The following VAV2 variants were observed in gnomAD, a reference collection of about 807,000 sequenced individuals.
VAV2 encodes guanine nucleotide exchange factor VAV2.
In VAV2, 67 loss-of-function variants were observed where a neutral mutation model predicts 132.5. The ratio of observed to expected loss-of-function variants is 0.51; its 90% CI spans 0.42 to 0.62. The LOEUF (loss-of-function observed/expected upper bound fraction) is 0.62, where lower values mean the gene tolerates loss of function less well. VAV2 is among the 20% of genes least tolerant of loss of function. The pLI is 0.00. For synonymous variants in VAV2, 492 were observed against 443.5 expected (o/e 1.11, Z -1.37); for missense variants, 938 against 1,153.6 (o/e 0.81, Z 2.71).
At position 133,833,174 on chromosome 9, in the gene VAV2, C is replaced by T. The variant is rs2131777571; in HGVS notation, c.449+1098G>A. Among the ~76,000 whole-genome samples, 1 of 152,264 alleles carries T rather than the reference C, an allele frequency of 6.6e-6. No homozygotes were observed. The highest frequency in any genetic ancestry group is 6.5e-5 in the Admixed American group (1 of 15,302). ...TGAGACTGGGCCGCCAGCGTGGTGC[C>T]ACATGCTGATATGGGGATGACTTGA... On this transcript the variant is annotated intron_variant, in intron 4 of 29. Coordinates refer to ENST00000371850, the MANE Select transcript of VAV2 (RefSeq NM_001134398.2). This position sits in a 1 kb window ranked among gnomAD's most constrained non-coding sequence, Gnocchi z 5.6.
At chr9:133,888,913 C>G (rs1838817416) in intron 2 of VAV2, among the ~76,000 whole-genome samples, 1 of 152,230 alleles carries the variant, frequency 6.6e-6, no homozygotes, top group Non-Finnish European at 1.5e-5. Context: ...ACGCTGGGCC[C>G]TGGCGGACAG....
At chr9:133,931,637 C>T (rs1564475200) in intron 2 of VAV2, among the ~76,000 whole-genome samples, 1 of 152,220 alleles carries the variant, frequency 6.6e-6, no homozygotes, top group African/African-American at 2.4e-5. Context: ...GCAACAGCAT[C>T]CTCATCACGC....
At chr9:133,810,087 G>C in intron 6 of VAV2, 104 bp downstream of exon 6, 18 of 1,529,894 alleles carry the variant, frequency 1.2e-5, no homozygotes, top group Non-Finnish European at 1.6e-5. Context: ...TGTCTTCCTG[G>C]GGGCAGGGTC....
intron 4 of VAV2, among the ~76,000 whole-genome samples, chr9:133,825,553 C>T (rs1835953406): frequency 6.6e-6 from 1 of 152,196 alleles, no homozygotes; most frequent in Non-Finnish European, 1.5e-5. Context: ...TCTCCCAGCT[C>T]AACTCGGGCT....
At chr9:133,968,158 G>A (rs1041794818) in intron 1 of VAV2, among the ~76,000 whole-genome samples, 4 of 152,006 alleles carry the variant, frequency 2.6e-5, no homozygotes, top group South Asian at 2.1e-4. Flanking sequence ...TACAGTTAAC[G>A]ATAACTTCTT....
chr9:133,860,127 C>T (rs934088407), intron 3 of VAV2, among the ~76,000 whole-genome samples: 7 of 151,900 alleles, frequency 4.6e-5, no homozygotes, highest in Admixed American at 2.0e-4. Context: ...ATGGTGAAAC[C>T]CTTTCTCTAC....
At chr9:133,807,435 G>T in intron 7 of VAV2, 109 bp from the exon 8 acceptor site, 1 of 1,111,834 alleles carries the variant, frequency 9.0e-7, no homozygotes, top group Non-Finnish European at 1.3e-6. Context: ...GCACTGGGGT[G>T]CTCCATGCTT....
At chr9:133,837,760 T>C (rs896864010) in intron 3 of VAV2, among the ~76,000 whole-genome samples, 1 of 151,700 alleles carries the variant, frequency 6.6e-6, no homozygotes, top group Non-Finnish European at 1.5e-5. Flanking sequence ...GAGCTATGAT[T>C]GTCGTAATTT....
Position 133,912,244 on chromosome 9 carries a change from A to G in VAV2, c.321+26859T>C, listed in dbSNP as rs550690215. 6.6e-6 allele frequency among the ~76,000 whole-genome samples: 1 copy of G among 152,224 alleles called. No individual in the cohort carries two copies. Among genetic ancestry groups the G allele is most frequent in the East Asian group, 1.9e-4 (1 of 5,194 alleles). ...AACCAGGAGTGTTTTAGTACAAAAC[A>G]GACAAACCAGAAACCTACGGCATCA... On this transcript the variant is annotated intron_variant, in intron 2 of 29. Transcript: ENST00000371850. The surrounding 1 kb of genome is among the most constrained non-coding windows in gnomAD (Gnocchi z 4.3).
At chr9:133,874,430 G>C (rs1229407594) in intron 2 of VAV2, among the ~76,000 whole-genome samples, 4 of 152,214 alleles carry the variant, frequency 2.6e-5, no homozygotes, top group African/African-American at 4.8e-5. Context: ...CAGTGTGGGA[G>C]GCATCCCAGA....
chr9:133,803,272 G>A (rs1548381), intron 9 of VAV2, among the ~76,000 whole-genome samples: 4,835 of 152,216 alleles, frequency 0.032, 233 homozygotes, highest in African/African-American at 0.11. Context: ...AAAAGCGCTC[G>A]TGCAAAGCTC....
intron 1 of VAV2, among the ~76,000 whole-genome samples, chr9:133,977,701 G>A (rs1187917287): frequency 6.6e-6 from 1 of 152,246 alleles, no homozygotes; most frequent in East Asian, 1.9e-4. Flanking sequence ...TCCAGAGCCT[G>A]CCCCTCAACA....
rs1031633906 is a variant in VAV2, at chr9:133,912,869, G to A, written c.321+26234C>T. On this transcript the variant is annotated intron_variant, in intron 2 of 29. Coordinates refer to ENST00000371850, the MANE Select transcript of VAV2 (RefSeq NM_001134398.2). The surrounding 1 kb of genome is among the most constrained non-coding windows in gnomAD (Gnocchi z 4.3). ...CCAGTGACCACTCGTCCCAAACATA[G>A]CTTCTATTCATCAGAATCAGGGCTC... is the stretch of plus-strand genomic sequence containing the variant. 6.6e-6 allele frequency among the ~76,000 whole-genome samples: 1 copy of A among 152,162 alleles called. No homozygotes were observed. The highest frequency in any genetic ancestry group is 2.4e-5 in the African/African-American group (1 of 41,420).
chr9:133,953,036 C>T (rs1841619742), intron 1 of VAV2, among the ~76,000 whole-genome samples: 1 of 151,310 alleles, frequency 6.6e-6, no homozygotes, highest in Admixed American at 6.6e-5. Context: ...GAGCATGGCC[C>T]CCGGGACACC....
At chr9:133,860,409 G>A (rs942753891) in intron 3 of VAV2, among the ~76,000 whole-genome samples, 1 of 152,108 alleles carries the variant, frequency 6.6e-6, no homozygotes, top group Non-Finnish European at 1.5e-5. Context: ...CGTGGGTTTA[G>A]GAACATTTAC....
intron 1 of VAV2, among the ~76,000 whole-genome samples, chr9:133,953,862 A>AGT (rs1841651300): frequency 6.6e-6 from 1 of 152,034 alleles, no homozygotes; most frequent in African/African-American, 2.4e-5. Flanking sequence ...AGTACCCCAA[A>AGT]ACCAAGACCT....
intron 19 of VAV2, among the ~76,000 whole-genome samples, chr9:133,783,140 C>T (rs1420073145): frequency 2.6e-5 from 4 of 152,160 alleles, no homozygotes; most frequent in African/African-American, 7.2e-5. Flanking sequence ...CCAGGGTGAC[C>T]GGTGTTTCTG....
chr9:133,918,369 C>T lies in VAV2; in HGVS notation c.321+20734G>A, dbSNP rs934189031. 1.4e-5 allele frequency among the ~76,000 whole-genome samples: 2 copies of T among 146,780 alleles called. No homozygotes were observed. Among genetic ancestry groups the T allele is most frequent in the East Asian group, 2.1e-4 (1 of 4,752 alleles). On this transcript the variant is annotated intron_variant, in intron 2 of 29. Transcript: ENST00000371850. This position sits in a 1 kb window ranked among gnomAD's most constrained non-coding sequence, Gnocchi z 4.7. ...TTTCCCGCACTTTCATCTGCTGGTC[C>T]GGACCCAGGCCCAGCTGCTAGCCCG...
intron 3 of VAV2, among the ~76,000 whole-genome samples, chr9:133,858,425 G>T (rs1393414515): frequency 6.6e-6 from 1 of 152,216 alleles, no homozygotes; most frequent in Admixed American, 6.5e-5. Context: ...GCACTATGCA[G>T]AAGGCTCTAT....
Sources: gnomAD v4.1 joint callset for allele counts (sites outside exome capture counted in the v4.1 genomes callset) on GRCh38, gnomAD v4.1.1 for gene constraint, Gnocchi (gnomAD v3.1) non-coding constraint, MANE v1.5 for transcripts, NCBI Gene and HGNC (gene_info 2026-07-23, HGNC 2026-07-21) for gene names.